The following GRIA3 variants were observed in gnomAD, a reference collection of about 807,000 sequenced individuals.
The protein encoded by GRIA3 is glutamate receptor 3.
GRIA3 carries 3 observed loss-of-function variants against 63.0 expected under a neutral mutation model. The ratio of observed to expected loss-of-function variants is 0.05; its 90% CI spans 0.02 to 0.12. GRIA3 has a LOEUF of 0.12. Among genes scored for constraint, GRIA3 ranks in the 10% least tolerant of loss-of-function variants. The pLI, the probability that GRIA3 is intolerant of heterozygous loss-of-function variation, is 1.00. For missense variants in GRIA3, 347 were observed against 700.9 expected, an observed-to-expected ratio of 0.50 and a Z score of 5.70; for synonymous variants, 274 against 257.9, an observed-to-expected ratio of 1.06 and a Z score of -0.60.
rs1471079373 is a variant in GRIA3 at position 123,349,034 on chromosome X, C to G, written c.697-5876C>G. Among the ~76,000 whole-genome samples, 3 of 111,851 alleles carry G rather than the reference C, an allele frequency of 2.7e-5. No individual in the cohort carries two copies. The East Asian group carries it at 8.4e-4, about 31-fold the overall frequency. ...TAGATGAATACATTCTATTTTCATA[C>G]AGTTGTATTTATTTTCTTGTATTAG... On this transcript the variant is annotated intron_variant, in intron 4 of 15. Transcript: ENST00000620443.
intron 3 of GRIA3, among the ~76,000 whole-genome samples, chrX:123,319,922 G>A (rs915485537): frequency 2.7e-5 from 3 of 110,895 alleles, no homozygotes; most frequent in African/African-American, 9.9e-5. Context: ...GAATCCCCCA[G>A]GGAGATTAAA....
At chrX:123,190,277 C>T (rs1448852272) in intron 2 of GRIA3, among the ~76,000 whole-genome samples, 1 of 110,985 alleles carries the variant, frequency 9.0e-6, no homozygotes, top group Non-Finnish European at 1.9e-5. Flanking sequence ...CTTTGCTGCT[C>T]TCCCTCTCTC....
chrX:123,486,321 G>A (rs752648860), intron 15 of GRIA3, among the ~76,000 whole-genome samples: 3 of 111,956 alleles, frequency 2.7e-5, no homozygotes, highest in African/African-American at 6.5e-5. Context: ...ACAACTTCTG[G>A]CTTTCCTTTA....
At chrX:123,360,855 TCACACA>T (rs10548566) in intron 5 of GRIA3, among the ~76,000 whole-genome samples, 7,017 of 46,361 alleles carry the variant, frequency 0.15, 536 homozygotes, top group Admixed American at 0.18. Flanking sequence ...TCTCTCTCTC[TCACACA>T]CACACACACA....
chrX:123,243,733 T>C (rs760654597), intron 2 of GRIA3, among the ~76,000 whole-genome samples: 1 of 112,043 alleles, frequency 8.9e-6, no homozygotes, highest in Admixed American at 9.4e-5. Flanking sequence ...AAGGCAGAGA[T>C]CTTGTCTGTT....
chrX:123,367,433 G>GTTTTTT (rs199962371), intron 5 of GRIA3, among the ~76,000 whole-genome samples: 6 of 105,175 alleles, frequency 5.7e-5, no homozygotes, highest in South Asian at 4.1e-4. Flanking sequence ...TTTGTTTTTT[G>GTTTTTT]TTTTTTGTTT....
chrX:123,482,837 C>T lies in GRIA3; in HGVS notation c.2478C>T (p.Gly826=). 2.5e-6 allele frequency: 3 copies of T among 1,208,706 alleles called. No individual in the cohort carries two copies. The highest frequency in any genetic ancestry group is 2.2e-6 in the Non-Finnish European group (2 of 892,699). The stretch of plus-strand genomic sequence containing the variant: ...CTCTGAGCCTGAGCAATGTGGCAGG[C>T]GTTTTCTATATACTTGTCGGAGGTC... ...TSALSLSNVA[G]VFYILVGGLG... The change falls in exon 15 of 16, where the codon GGC becomes GGT. Residue 826 remains glycine, a synonymous_variant. Transcript: ENST00000620443.
At chrX:123,449,877 C>A (rs1439466063) in intron 12 of GRIA3, among the ~76,000 whole-genome samples, 1 of 111,638 alleles carries the variant, frequency 9.0e-6, no homozygotes, top group Non-Finnish European at 1.9e-5. Context: ...CCCTCACGTG[C>A]CCCTGACATA....
intron 5 of GRIA3, among the ~76,000 whole-genome samples, chrX:123,379,205 C>T (rs998893028): frequency 1.8e-5 from 2 of 111,542 alleles, no homozygotes; most frequent in African/African-American, 6.5e-5. Flanking sequence ...TACCACAACC[C>T]TCCCTGCCAT....
Position 123,204,272 on chromosome X carries a change from C to G in GRIA3, c.268+18282C>G, listed in dbSNP as rs747840456. The G allele has an allele frequency of 6.5e-5, 36 of 553,569 alleles. No individual in the cohort carries two copies. The African/African-American group carries it at 7.3e-4, about 11-fold the overall frequency. 45.6% of individuals were successfully genotyped at this position (553,569 alleles called of 1,213,427 possible). A position where few individuals can be genotyped will look rare whatever the true frequency, so the allele number is the denominator to read the frequency against. ...TAGATGAGTGCTACTTTGACCACCT[C>G]ATGGAACCAGTGCAGCCTGTGGGCA... On this transcript the variant is annotated intron_variant, in intron 2 of 15. Coordinates refer to ENST00000620443, the MANE Select transcript of GRIA3 (RefSeq NM_007325.5).
At chrX:123,273,957 C>T (rs2044538976) in intron 3 of GRIA3, among the ~76,000 whole-genome samples, 1 of 111,836 alleles carries the variant, frequency 8.9e-6, no homozygotes, top group Non-Finnish European at 1.9e-5. Flanking sequence ...TAAAACTTTA[C>T]TCAAGGATAC....
intron 4 of GRIA3, among the ~76,000 whole-genome samples, chrX:123,348,364 T>C (rs1201642961): frequency 8.9e-6 from 1 of 111,947 alleles, no homozygotes; most frequent in Non-Finnish European, 1.9e-5. Context: ...TTCTTGCTAA[T>C]TTGGGGAGAT....
chrX:123,373,393 G>A (rs1303629881), intron 5 of GRIA3, among the ~76,000 whole-genome samples: 3 of 111,647 alleles, frequency 2.7e-5, no homozygotes, highest in East Asian at 5.6e-4. Context: ...TAATGAGATG[G>A]CTGGGTCAAA....
At chrX:123,373,951 A>G in intron 5 of GRIA3, among the ~76,000 whole-genome samples, 1 of 111,415 alleles carries the variant, frequency 9.0e-6, no homozygotes, top group Admixed American at 9.6e-5. Flanking sequence ...CCTTAATGGT[A>G]TTGTCTAGGT....
intron 12 of GRIA3, among the ~76,000 whole-genome samples, chrX:123,441,026 C>T (rs2045671093): frequency 8.9e-6 from 1 of 111,881 alleles, no homozygotes; most frequent in African/African-American, 3.3e-5. Flanking sequence ...AAAGGAAATG[C>T]CATTCATACT....
At chrX:123,356,728 G>A (rs984448045) in intron 5 of GRIA3, among the ~76,000 whole-genome samples, 4 of 111,466 alleles carry the variant, frequency 3.6e-5, no homozygotes, top group Non-Finnish European at 7.5e-5. Flanking sequence ...ATATAACATT[G>A]AACTGGGGAT....
At chrX:123,311,925 C>T (rs1406386881) in intron 3 of GRIA3, among the ~76,000 whole-genome samples, 2 of 112,077 alleles carry the variant, frequency 1.8e-5, no homozygotes, top group East Asian at 5.6e-4. Context: ...AATAAGAGTG[C>T]GAACTTAGAA....
At chrX:123,328,972 T>C (rs1485631148) in intron 4 of GRIA3, among the ~76,000 whole-genome samples, 2 of 112,252 alleles carry the variant, frequency 1.8e-5, no homozygotes, top group East Asian at 5.5e-4. Context: ...AATGCTAAAA[T>C]ACAGAGATAT....
chrX:123,340,097 C>A (rs1405798498), intron 4 of GRIA3, among the ~76,000 whole-genome samples: 3 of 111,657 alleles, frequency 2.7e-5, no homozygotes, highest in African/African-American at 9.8e-5. Context: ...GCCACACCAC[C>A]CAAGACTATG....
Sources: gnomAD v4.1 joint callset for allele counts (sites outside exome capture counted in the v4.1 genomes callset) on GRCh38, gnomAD v4.1.1 for gene constraint, MANE v1.5 for transcripts, NCBI Gene and HGNC (gene_info 2026-07-23, HGNC 2026-07-21) for gene names.